MGAT4C: variants seen among roughly 807,000 people sequenced by gnomAD.
The protein encoded by MGAT4C is alpha-1,3-mannosyl-glycoprotein 4-beta-N-acetylglucosaminyltransferase C.
MGAT4C carries 19 observed loss-of-function variants against 40.1 expected under a neutral mutation model. That is an observed-to-expected ratio of 0.47 (90% confidence interval 0.33 to 0.70). The LOEUF (loss-of-function observed/expected upper bound fraction) is 0.70. Among genes scored for constraint, MGAT4C ranks in the 30% least tolerant of loss-of-function variants. The probability of loss-of-function intolerance (pLI) is 0.02; values close to 1 mark genes in which losing one functional copy is unlikely to be tolerated. For synonymous variants in MGAT4C, 181 were observed against 187.1 expected, an observed-to-expected ratio of 0.97 and a Z score of 0.27; for missense variants, 491 against 563.2, an observed-to-expected ratio of 0.87 and a Z score of 1.30.
chr12:86,284,984 A>G (rs781539654), intron 4 of MGAT4C, among the ~76,000 whole-genome samples: 8 of 152,072 alleles, frequency 5.3e-5, no homozygotes, highest in Non-Finnish European at 1.2e-4. Flanking sequence ...AAAATTTCAT[A>G]GAAACAAATT....
chr12:86,780,125 T>A (rs534742190), intron 1 of MGAT4C, among the ~76,000 whole-genome samples: 44 of 152,238 alleles, frequency 2.9e-4, no homozygotes, highest in African/African-American at 8.7e-4. Context: ...CACATTTTTT[T>A]AAATTTTTGT....
At chr12:86,186,993 C>A (rs945314827) in intron 1 of MGAT4C, among the ~76,000 whole-genome samples, 1 of 152,018 alleles carries the variant, frequency 6.6e-6, no homozygotes, top group Admixed American at 6.6e-5. Flanking sequence ...CTGGAGTGAG[C>A]ACAATGGGCT....
At chr12:86,486,507 C>G (rs1958022466) in intron 2 of MGAT4C, among the ~76,000 whole-genome samples, 1 of 151,752 alleles carries the variant, frequency 6.6e-6, no homozygotes, top group Admixed American at 6.6e-5. Context: ...GATAAAGGTT[C>G]AATTTAATAA....
chr12:85,982,780 A>C (rs1236907263), intron 4 of MGAT4C, among the ~76,000 whole-genome samples: 1 of 152,172 alleles, frequency 6.6e-6, no homozygotes, highest in African/African-American at 2.4e-5. Flanking sequence ...AGATATAATT[A>C]GTTAAGGATC....
At chr12:86,362,516 C>T (rs537024238) in intron 3 of MGAT4C, among the ~76,000 whole-genome samples, 18 of 151,940 alleles carry the variant, frequency 1.2e-4, no homozygotes, top group African/African-American at 3.9e-4. Context: ...ATTCAAAAGT[C>T]GGATATTGTC....
chr12:86,838,159 T>C (rs146357321), intron 1 of MGAT4C, among the ~76,000 whole-genome samples: 2 of 152,206 alleles, frequency 1.3e-5, no homozygotes, highest in African/African-American at 4.8e-5. Context: ...AAAAGACTTA[T>C]ACTGAAGTTT....
rs373340334 is a variant in MGAT4C at position 85,982,445 on chromosome 12, TC to T, written c.295+1077del. Among the ~76,000 whole-genome samples the T allele has an allele frequency of 1.2e-3, 176 of 152,334 alleles. 1 individual carries two copies. The highest frequency in any genetic ancestry group is 4.1e-3 in the African/African-American group (170 of 41,580). On this transcript the variant is annotated intron_variant, in intron 4 of 4. Coordinates refer to ENST00000611864, the MANE Select transcript of MGAT4C (RefSeq NM_001351288.2). ...CTCAAGTGATACACTTGCCTTGGCC[TC>T]CCAAAGTGCTGGGATTACAGGCATG... is the stretch of plus-strand genomic sequence containing the variant.
chr12:86,792,090 G>A (rs1952032483), intron 1 of MGAT4C, among the ~76,000 whole-genome samples: 1 of 152,144 alleles, frequency 6.6e-6, no homozygotes, highest in South Asian at 2.1e-4. Context: ...CAAACCTAAT[G>A]AAGGCACTAC....
intron 1 of MGAT4C, among the ~76,000 whole-genome samples, chr12:86,138,720 A>C (rs1882401950): frequency 1.3e-5 from 2 of 150,452 alleles, no homozygotes; most frequent in Non-Finnish European, 3.0e-5. Context: ...ATAAAATACA[A>C]ATCATCTCTA....
chr12:86,595,773 C>T (rs923047463), intron 2 of MGAT4C, among the ~76,000 whole-genome samples: 1 of 152,124 alleles, frequency 6.6e-6, no homozygotes, highest in Non-Finnish European at 1.5e-5. Context: ...TGACAAACAT[C>T]CTTAAAATCA....
rs149763157 is a variant in MGAT4C, at chr12:86,623,014, C to A, written c.-229+104195G>T. Among the ~76,000 whole-genome samples, 1,295 of 152,164 alleles carry A rather than the reference C, an allele frequency of 8.5e-3. 7 individuals carry two copies. Among genetic ancestry groups the A allele is most frequent in the Non-Finnish European group, 0.014 (953 of 67,966 alleles). ...TGAAAACTACTTTTGATAGGATTAACAACAAATTAGACACTTCAGAACAAA... is the reference window on the plus strand; with the variant it reads ...TGAAAACTACTTTTGATAGGATTAAAAACAAATTAGACACTTCAGAACAAA... On this transcript the variant is annotated intron_variant, in intron 2 of 7. Coordinates refer to the MGAT4C transcript ENST00000548651.
intron 1 of MGAT4C, among the ~76,000 whole-genome samples, chr12:86,247,693 GCAT>G (rs1952091751): frequency 6.6e-6 from 1 of 152,092 alleles, no homozygotes; most frequent in African/African-American, 2.4e-5. Context: ...AGACAGAATG[GCAT>G]AAACTAAGGC....
At position 85,989,518 on chromosome 12, in the gene MGAT4C, A is replaced by C. The variant is rs1306862350; in HGVS notation, c.29T>G (p.Ile10Ser). Residue 10 changes from isoleucine (I) to serine (S), a missense_variant, in exon 3 of 5, where the codon ATT becomes AGT. Coordinates refer to ENST00000611864, the MANE Select transcript of MGAT4C (RefSeq NM_001351288.2). Reference sequence around the variant, plus strand: ...TCTCATTTTATCAAGTATTTCAAAAATATGTTTCATTTGATGAAATTTAAA... The same window carrying C: ...TCTCATTTTATCAAGTATTTCAAAACTATGTTTCATTTGATGAAATTTAAA... MFKFHQMKH[I>S]FEILDKMRCL... is the part of the protein sequence containing the mutation. The C allele has an allele frequency of 6.2e-7, 1 of 1,604,760 alleles. No individual in the cohort carries two copies. Among genetic ancestry groups the C allele is most frequent in the African/African-American group, 1.3e-5 (1 of 74,672 alleles).
At chr12:86,516,636 T>A (rs1221978264) in intron 2 of MGAT4C, among the ~76,000 whole-genome samples, 3 of 152,104 alleles carry the variant, frequency 2.0e-5, no homozygotes, top group African/African-American at 7.2e-5. Flanking sequence ...ATAAAAATTA[T>A]AAAATTTTCT....
intron 3 of MGAT4C, among the ~76,000 whole-genome samples, chr12:86,414,599 T>G (rs1302771158): frequency 1.7e-5 from 1 of 59,620 alleles, no homozygotes; most frequent in African/African-American, 8.9e-5. Context: ...GTTAGTTACT[T>G]TTTTAGAGCC....
chr12:86,529,063 G>A (rs993475062), intron 2 of MGAT4C, among the ~76,000 whole-genome samples: 3 of 151,948 alleles, frequency 2.0e-5, no homozygotes, highest in Non-Finnish European at 4.4e-5. Context: ...AGGTGTTAGG[G>A]TAAAAACAAC....
intron 1 of MGAT4C, among the ~76,000 whole-genome samples, chr12:86,802,169 G>T (rs1232873248): frequency 6.6e-6 from 1 of 151,912 alleles, no homozygotes; most frequent in Non-Finnish European, 1.5e-5. Context: ...ATTGTTGAAA[G>T]ATTAGTGAAG....
chr12:86,779,364 G>A lies in MGAT4C; in HGVS notation c.-261-52123C>T, dbSNP rs991032851. The stretch of plus-strand genomic sequence containing the variant: ...AAACCAAGCATTTTGGGAGGCCAAC[G>A]TGGGAGGATCACTTGAGCCCAGGAG... On this transcript the variant is annotated intron_variant, in intron 1 of 7. Coordinates refer to the MGAT4C transcript ENST00000548651. Among the ~76,000 whole-genome samples the A allele has an allele frequency of 5.3e-5, 8 of 152,038 alleles. No homozygotes were observed. The East Asian group carries it at 1.4e-3, about 26-fold the overall frequency.
chr12:86,381,762 TC>T (rs1955933579), intron 3 of MGAT4C, among the ~76,000 whole-genome samples: 1 of 152,188 alleles, frequency 6.6e-6, no homozygotes, highest in African/African-American at 2.4e-5. Flanking sequence ...CATCTTGAAT[TC>T]CCATGTGTTG....
Sources: gnomAD v4.1 joint callset for allele counts (sites outside exome capture counted in the v4.1 genomes callset) on GRCh38, gnomAD v4.1.1 for gene constraint, MANE v1.5 for transcripts, NCBI Gene and HGNC (gene_info 2026-07-23, HGNC 2026-07-21) for gene names.